PDE4D: variants seen among roughly 807,000 people sequenced by gnomAD.
The protein encoded by PDE4D is phosphodiesterase 4D, also known as 3',5'-cyclic-AMP phosphodiesterase 4D.
PDE4D carries 24 observed loss-of-function variants against 87.4 expected under a neutral mutation model. The observed-to-expected ratio is 0.27, with a 90% CI of 0.20 to 0.39. PDE4D has a LOEUF of 0.39. Among genes scored for constraint, PDE4D ranks in the 10% least tolerant of loss-of-function variants. The pLI is 1.00. For synonymous variants in PDE4D, 384 were observed against 383.2 expected, an observed-to-expected ratio of 1.00 and a Z score of -0.02; for missense variants, 714 against 1,041.0, an observed-to-expected ratio of 0.69 and a Z score of 4.32.
intron 1 of PDE4D, among the ~76,000 whole-genome samples, chr5:59,830,125 A>G (rs1740960036): frequency 6.6e-6 from 1 of 152,042 alleles, no homozygotes; most frequent in Admixed American, 6.6e-5. Context: ...TGGCAAGTGC[A>G]TAAGAGAACT....
intron 1 of PDE4D, among the ~76,000 whole-genome samples, chr5:60,444,260 G>GT (rs1177210046): frequency 6.6e-6 from 1 of 152,040 alleles, no homozygotes; most frequent in Admixed American, 6.6e-5. Context: ...ACAGCATGCT[G>GT]TTTTTTTCTT....
intron 5 of PDE4D, among the ~76,000 whole-genome samples, chr5:59,142,333 C>T (rs973055061): frequency 1.3e-5 from 2 of 152,024 alleles, no homozygotes; most frequent in Non-Finnish European, 2.9e-5. Flanking sequence ...TTCTTTTCTC[C>T]CCAACCTTCA....
intron 1 of PDE4D, among the ~76,000 whole-genome samples, chr5:59,817,587 G>GTCAC (rs1157271123): frequency 6.6e-6 from 1 of 152,156 alleles, no homozygotes; most frequent in Non-Finnish European, 1.5e-5. Flanking sequence ...AACTCTCAAT[G>GTCAC]TCACTATATC....
chr5:60,319,132 T>C (rs1755943017), intron 1 of PDE4D, among the ~76,000 whole-genome samples: 3 of 152,362 alleles, frequency 2.0e-5, no homozygotes, highest in South Asian at 2.1e-4. Context: ...CAATCAGACA[T>C]AGATTTGGTC....
At chr5:59,743,201 T>TA (rs1046104441) in intron 1 of PDE4D, among the ~76,000 whole-genome samples, 2 of 151,616 alleles carry the variant, frequency 1.3e-5, no homozygotes, top group Non-Finnish European at 1.5e-5. Context: ...AAGTTAAATA[T>TA]AAAAAAAGAG....
intron 1 of PDE4D, among the ~76,000 whole-genome samples, chr5:60,191,509 C>A (rs572738529): frequency 2.6e-5 from 4 of 152,260 alleles, no homozygotes; most frequent in African/African-American, 9.6e-5. Context: ...GCTTCCCCTT[C>A]GCCTTTCAAC....
chr5:60,481,395 G>A (rs1481077041), intron 1 of PDE4D, among the ~76,000 whole-genome samples: 1 of 151,854 alleles, frequency 6.6e-6, no homozygotes, highest in Non-Finnish European at 1.5e-5. Flanking sequence ...TACTTTTGTT[G>A]ATCCCTAGAA....
At chr5:58,991,154 T>G (rs900538244) in intron 8 of PDE4D, among the ~76,000 whole-genome samples, 1 of 152,066 alleles carries the variant, frequency 6.6e-6, no homozygotes, top group Non-Finnish European at 1.5e-5. Flanking sequence ...TGGTGGTGTG[T>G]GCCTGTAATC....
intron 1 of PDE4D, among the ~76,000 whole-genome samples, chr5:59,556,335 G>C (rs1459802507): frequency 6.6e-6 from 1 of 151,982 alleles, no homozygotes; most frequent in Admixed American, 6.6e-5. Flanking sequence ...GCACACACTA[G>C]ATGTCTGCTG....
intron 1 of PDE4D, among the ~76,000 whole-genome samples, chr5:59,395,583 C>T (rs1284619578): frequency 1.3e-5 from 2 of 149,844 alleles, no homozygotes; most frequent in African/African-American, 5.0e-5. Context: ...CCCATCTGTA[C>T]ATCACCATCA....
chr5:60,301,067 C>G (rs1015395339), intron 1 of PDE4D, among the ~76,000 whole-genome samples: 2 of 152,158 alleles, frequency 1.3e-5, no homozygotes, highest in Admixed American at 1.3e-4. Flanking sequence ...ATGCGCCCAG[C>G]CTTCTGTGTC....
At chr5:59,697,948 T>G (rs1752021396) in intron 1 of PDE4D, among the ~76,000 whole-genome samples, 1 of 152,188 alleles carries the variant, frequency 6.6e-6, no homozygotes. Flanking sequence ...ATACTGAAGC[T>G]CTATAGACAT....
chr5:59,021,136 A>C (rs1448424582), intron 6 of PDE4D, among the ~76,000 whole-genome samples: 3 of 152,160 alleles, frequency 2.0e-5, no homozygotes, highest in African/African-American at 2.4e-5. Context: ...AGCAAAGCAC[A>C]AGCAACAGAC....
intron 1 of PDE4D, among the ~76,000 whole-genome samples, chr5:59,341,147 T>G (rs900591884): frequency 1.3e-5 from 2 of 152,206 alleles, no homozygotes; most frequent in Non-Finnish European, 2.9e-5. Context: ...CTATGGCTAC[T>G]AGCTCTCTTG....
At chr5:59,711,199 A>G (rs1409035207) in intron 1 of PDE4D, among the ~76,000 whole-genome samples, 1 of 152,092 alleles carries the variant, frequency 6.6e-6, no homozygotes, top group Non-Finnish European at 1.5e-5. Flanking sequence ...AATTCTTATC[A>G]CTACATTGGG....
At chr5:59,682,486 T>G (rs965393825) in intron 1 of PDE4D, among the ~76,000 whole-genome samples, 2 of 152,222 alleles carry the variant, frequency 1.3e-5, no homozygotes, top group African/African-American at 4.8e-5. Context: ...GTCTATGCTT[T>G]AGACTGAATG....
At chr5:59,077,169 T>C (rs1470054915) in intron 5 of PDE4D, among the ~76,000 whole-genome samples, 1 of 152,182 alleles carries the variant, frequency 6.6e-6, no homozygotes, top group Non-Finnish European at 1.5e-5. Context: ...AGTGCTCTTC[T>C]GAATATTAAA....
intron 1 of PDE4D, among the ~76,000 whole-genome samples, chr5:59,415,976 A>T (rs1793540640): frequency 6.6e-6 from 1 of 152,212 alleles, no homozygotes; most frequent in Non-Finnish European, 1.5e-5. Context: ...TGACGTAGTT[A>T]ATGGGATAGG....
At chr5:60,484,998 C>T (rs1328016918) in intron 1 of PDE4D, among the ~76,000 whole-genome samples, 2 of 152,028 alleles carry the variant, frequency 1.3e-5, no homozygotes, top group African/African-American at 4.8e-5. Context: ...GAGCGTGGTC[C>T]CGTTGACTCT....
Sources: allele counts gnomAD v4.1 joint callset (sites outside exome capture counted in the v4.1 genomes callset), GRCh38; gene constraint gnomAD v4.1.1; transcripts MANE v1.5; gene names NCBI Gene and HGNC (gene_info 2026-07-23, HGNC 2026-07-21).